Variants in ALDH1A2 observed in about 807,000 individuals in gnomAD.
ALDH1A2 encodes retinal dehydrogenase 2.
Under a neutral mutation model 60.3 loss-of-function variants are expected in ALDH1A2, and 27 were observed. The observed-to-expected ratio is 0.45, with a 90% CI of 0.33 to 0.62. The LOEUF is 0.62. ALDH1A2 is among the 20% of genes least tolerant of loss of function. The pLI is 0.02. For missense variants in ALDH1A2, 581 were observed against 643.8 expected (o/e 0.90, Z 1.06); for synonymous variants, 289 against 232.4 (o/e 1.24, Z -2.21).
At chr15:58,026,627 T>C (rs1245469415) in intron 1 of ALDH1A2, among the ~76,000 whole-genome samples, 1 of 152,178 alleles carries the variant, frequency 6.6e-6, no homozygotes, top group African/African-American at 2.4e-5. Flanking sequence ...AGGGAAGCCA[T>C]GACAGATTGT....
At chr15:57,962,879 C>T (rs371844513) in intron 9 of ALDH1A2, among the ~76,000 whole-genome samples, 192 of 152,248 alleles carry the variant, frequency 1.3e-3, no homozygotes, top group African/African-American at 4.5e-3. Context: ...AAGAGCTGGT[C>T]CAGGTTCCTT....
intron 5 of ALDH1A2, 80 bp downstream of exon 5, chr15:57,994,998 G>C (rs1595651006): frequency 7.5e-7 from 1 of 1,330,876 alleles, no homozygotes; most frequent in Non-Finnish European, 1.1e-6. Flanking sequence ...AACACACATC[G>C]CTGAGGACCA....
At chr15:58,005,586 A>T (rs2140507848) in intron 4 of ALDH1A2, among the ~76,000 whole-genome samples, 1 of 152,162 alleles carries the variant, frequency 6.6e-6, no homozygotes, top group East Asian at 1.9e-4. Context: ...TGAGTGAAAG[A>T]CATAATGGCT....
chr15:57,996,236 A>C (rs1895055313), intron 4 of ALDH1A2, among the ~76,000 whole-genome samples: 1 of 152,080 alleles, frequency 6.6e-6, no homozygotes, highest in African/African-American at 2.4e-5. Flanking sequence ...CATTTATCAC[A>C]CAAAATTGTT....
chr15:58,064,466 A>G (rs1455239613), intron 1 of ALDH1A2, among the ~76,000 whole-genome samples: 1 of 152,238 alleles, frequency 6.6e-6, no homozygotes. Context: ...CCAGATGCAA[A>G]CAATTTACTT....
At chr15:58,059,826 C>T (rs1384485293) in intron 1 of ALDH1A2, among the ~76,000 whole-genome samples, 1 of 152,012 alleles carries the variant, frequency 6.6e-6, no homozygotes, top group Admixed American at 6.6e-5. Flanking sequence ...TCCATAGCTA[C>T]CCAGAATATT....
chr15:57,966,994 T>C (rs1341625118), intron 7 of ALDH1A2, among the ~76,000 whole-genome samples: 1 of 152,228 alleles, frequency 6.6e-6, no homozygotes, highest in African/African-American at 2.4e-5. Flanking sequence ...GAAAAAATGT[T>C]ATTTGTTCCT....
intron 7 of ALDH1A2, among the ~76,000 whole-genome samples, chr15:57,992,354 A>C (rs1894924029): frequency 6.6e-6 from 1 of 152,224 alleles, no homozygotes; most frequent in African/African-American, 2.4e-5. Context: ...AACAATGAGA[A>C]GGGAAAGCTT....
chr15:58,065,427 G>A lies in ALDH1A2; in HGVS notation c.117+107C>T, dbSNP rs1193788190. ...TGCGCCGGGATGACAGGCTGGCCCC[G>A]ACGACCCCGGCCCCGTCCCGCAGCC... is the stretch of plus-strand genomic sequence containing the variant. On this transcript the variant is annotated intron_variant, in intron 1 of 12. Transcript: ENST00000249750. 3.0e-6 allele frequency: 3 copies of A among 999,432 alleles called. No individual in the cohort carries two copies. In the East Asian group the frequency reaches 7.2e-5, roughly 24 times the overall value. The allele number at this position is 999,432 out of a possible 1,614,324, so 61.9% of individuals were successfully genotyped here.
chr15:58,015,736 A>C (rs1389759586), intron 1 of ALDH1A2, among the ~76,000 whole-genome samples: 1 of 152,206 alleles, frequency 6.6e-6, no homozygotes. Flanking sequence ...GCTTGAGTCC[A>C]AAGAAGCAGG....
intron 7 of ALDH1A2, among the ~76,000 whole-genome samples, chr15:57,989,556 CAG>C (rs1478533363): frequency 1.3e-5 from 2 of 152,206 alleles, no homozygotes; most frequent in Admixed American, 1.3e-4. Context: ...AGTGAAAGAA[CAG>C]AAAAAATTAT....
rs3784259 is a variant in ALDH1A2 at position 57,965,649 on chromosome 15, C to T, written c.901+76G>A. ...CTTCAAATATCTTTTGCTAGTGTCC[C>T]ATCAAAAGTGGAGATATAAAAGAGA... On this transcript the variant is annotated intron_variant, in intron 8 of 12. Coordinates refer to ENST00000249750, the MANE Select transcript of ALDH1A2 (RefSeq NM_003888.4). The T allele has an allele frequency of 0.48, 502,200 of 1,047,776 alleles. 125,109 individuals carry two copies. Among genetic ancestry groups the T allele is most frequent in the Non-Finnish European group, 0.53 (354,562 of 663,694 alleles). 64.9% of individuals were successfully genotyped at this position (1,047,776 alleles called of 1,614,324 possible). A position where few individuals can be genotyped will look rare whatever the true frequency, so the allele number is the denominator to read the frequency against.
At chr15:58,057,438 G>C (rs1219971530) in intron 1 of ALDH1A2, among the ~76,000 whole-genome samples, 1 of 152,006 alleles carries the variant, frequency 6.6e-6, no homozygotes, top group Non-Finnish European at 1.5e-5. Flanking sequence ...CTCTGGCAAA[G>C]GAAGAGAAAG....
At position 57,960,748 on chromosome 15, in the gene ALDH1A2, C is replaced by T. The variant is rs1048937758; in HGVS notation, c.1484+22G>A. The T allele has an allele frequency of 5.0e-6, 8 of 1,600,396 alleles. No homozygotes were observed. The African/African-American group carries it at 8.0e-5, about 16-fold the overall frequency. Reference sequence around the variant, plus strand: ...TATTTGCAATCTATTTCTCTGCAGGCATCAGCAACTTTAAGACTTACATTT... The same window carrying T: ...TATTTGCAATCTATTTCTCTGCAGGTATCAGCAACTTTAAGACTTACATTT... On this transcript the variant is annotated intron_variant, in intron 12 of 12. Coordinates refer to ENST00000249750, the MANE Select transcript of ALDH1A2 (RefSeq NM_003888.4).
chr15:58,014,327 GCAGCC>G (rs1223083767), intron 1 of ALDH1A2, 46 bp from the exon 2 acceptor site: 1 of 1,458,642 alleles, frequency 6.9e-7, no homozygotes, highest in Non-Finnish European at 9.6e-7. Context: ...CAGGTGATAA[GCAGCC>G]AGTCAACGGC....
intron 1 of ALDH1A2, 150 bp downstream of exon 1, chr15:58,065,384 G>C: frequency 1.3e-6 from 1 of 780,506 alleles, no homozygotes; most frequent in Non-Finnish European, 2.3e-6. Flanking sequence ...CCCGAAGACA[G>C]GCAGGGGGTC....
At position 57,966,555 on chromosome 15, in the gene ALDH1A2, G is replaced by GA. The variant is rs534248605; in HGVS notation, c.799-729dup. The stretch of plus-strand genomic sequence containing the variant: ...CCTCAGTGATGGGGAATGCTGTTGG[G>GA]AGACAGCCTGCAGCTGTCACCTCCT... On this transcript the variant is annotated intron_variant, in intron 7 of 12. Coordinates refer to ENST00000249750, the MANE Select transcript of ALDH1A2 (RefSeq NM_003888.4). 4.6e-5 allele frequency among the ~76,000 whole-genome samples: 7 copies of GA among 152,284 alleles called. No homozygotes were observed. In the East Asian group the frequency reaches 1.4e-3, roughly 29 times the overall value.
At chr15:58,021,139 G>C (rs1253390907) in intron 1 of ALDH1A2, among the ~76,000 whole-genome samples, 13 of 152,014 alleles carry the variant, frequency 8.6e-5, no homozygotes, top group African/African-American at 2.7e-4. Flanking sequence ...ATGTGTCTCT[G>C]TAAGTGACAT....
chr15:58,012,213 T>G (rs1164104728), intron 3 of ALDH1A2: 1 of 152,178 alleles, frequency 6.6e-6, no homozygotes, highest in Non-Finnish European at 1.5e-5. Flanking sequence ...AAAATATAAC[T>G]GGAGAAATTA....
Sources: gnomAD v4.1 joint callset for allele counts (sites outside exome capture counted in the v4.1 genomes callset) on GRCh38, gnomAD v4.1.1 for gene constraint, MANE v1.5 for transcripts, NCBI Gene and HGNC (gene_info 2026-07-23, HGNC 2026-07-21) for gene names.